The following LRRC8C variants were observed in gnomAD, a reference collection of about 807,000 sequenced individuals.
LRRC8C encodes volume-regulated anion channel subunit LRRC8C.
LRRC8C carries 20 observed loss-of-function variants against 55.3 expected under a neutral mutation model. The ratio of observed to expected loss-of-function variants is 0.36; its 90% CI spans 0.25 to 0.53. The LOEUF is 0.53. Ranked by LOEUF, LRRC8C falls within the 20% of genes least tolerant of loss-of-function variation. The pLI, the probability that LRRC8C is intolerant of heterozygous loss-of-function variation, is 0.92. For synonymous variants in LRRC8C, 376 were observed against 360.7 expected (o/e 1.04, Z -0.48); for missense variants, 659 against 951.4 (o/e 0.69, Z 4.04).
Position 89,714,147 on chromosome 1 carries a change from G to A in LRRC8C, c.1577G>A (p.Ser526Asn), listed in dbSNP as rs368179314. ...LEELYLVGSLSHDISRNVTLE... is the reference protein window; with the variant it reads ...LEELYLVGSLNHDISRNVTLE... The stretch of plus-strand genomic sequence containing the variant: ...GAGCTGTACCTAGTTGGCTCTCTAA[G>A]TCATGATATTTCCAGAAATGTCACC... The change falls in exon 3 of 3, where the codon AGT (serine) becomes AAT (asparagine). Residue 526 changes from serine (S) to asparagine (N), a missense_variant. Around this residue, in one of 5 missense-constraint regions of LRRC8C, gnomAD observed 344 missense variants for 464.6 expected, o/e 0.74. Transcript: ENST00000370454. This position sits in a 1 kb window ranked among gnomAD's most constrained non-coding sequence, Gnocchi z 4.6. 1.2e-6 allele frequency: 2 copies of A among 1,613,980 alleles called. No individual in the cohort carries two copies. Among genetic ancestry groups the A allele is most frequent in the African/African-American group, 1.3e-5 (1 of 74,900 alleles).
At chr1:89,631,721 G>A (rs1570680973), upstream of LRRC8C, 1 of 152,054 alleles carries the variant, frequency 6.6e-6, no homozygotes, top group African/African-American at 2.4e-5. Flanking sequence ...CTTGTTGTAG[G>A]TTAATTAAGA....
At chr1:89,705,796 T>C (rs1298999124) in intron 2 of LRRC8C, among the ~76,000 whole-genome samples, 1 of 151,906 alleles carries the variant, frequency 6.6e-6, no homozygotes, top group Non-Finnish European at 1.5e-5. Flanking sequence ...AATAAATAAA[T>C]GGTTTTTTTA....
the LRRC8C span, among the ~76,000 whole-genome samples, chr1:89,618,992 C>T: frequency 2.6e-5 from 4 of 152,112 alleles, no homozygotes; most frequent in East Asian, 1.9e-4. Flanking sequence ...CTTTAGAGTA[C>T]GAGGTCCTCC....
rs751893668 is a variant in LRRC8C, at chr1:89,713,195, A to G, written c.625A>G (p.Asn209Asp). Residue 209 changes from asparagine to aspartate, a missense_variant, in exon 3 of 3, where the codon AAC becomes GAC. Asn to Asp is a conservative substitution (Grantham distance 23). This residue lies in a region of LRRC8C where 200 missense variants were observed against 360.5 expected (regional missense o/e 0.55). Coordinates refer to ENST00000370454, the MANE Select transcript of LRRC8C (RefSeq NM_032270.5). This position sits in a 1 kb window ranked among gnomAD's most constrained non-coding sequence, Gnocchi z 5.2. ...ATCTGGTCCAGAAGACAGCCTGGTCAACTCTCAGTCTTTAAAGTCCATTCC... is the reference window on the plus strand; with the variant it reads ...ATCTGGTCCAGAAGACAGCCTGGTCGACTCTCAGTCTTTAAAGTCCATTCC... ...IQSGPEDSLV[N>D]SQSLKSIPEK... The G allele has an allele frequency of 6.2e-7, 1 of 1,614,204 alleles. No individual in the cohort carries two copies. Among genetic ancestry groups the G allele is most frequent in the Non-Finnish European group, 8.5e-7 (1 of 1,180,040 alleles).
chr1:89,713,634 G>A lies in LRRC8C; in HGVS notation c.1064G>A (p.Arg355His), dbSNP rs1234723917. The A allele has an allele frequency of 1.2e-5, 19 of 1,613,966 alleles. No individual in the cohort carries two copies. Among genetic ancestry groups the A allele is most frequent in the East Asian group, 4.5e-5 (2 of 44,888 alleles). Residue 355 changes from arginine (R) to histidine (H), a missense_variant, in exon 3 of 3, where the codon CGT (arginine) becomes CAT (histidine). By Grantham distance (29) the Arg-to-His change is conservative (BLOSUM62 0). Transcript: ENST00000370454. The surrounding 1 kb of genome is among the most constrained non-coding windows in gnomAD (Gnocchi z 5.2). ...CGGGAATATTCCTTTGAGTATGTCC[G>A]TCAGGAGACTGGAATTGATGATATT... The part of the protein sequence containing the change: ...SLREYSFEYV[R>H]QETGIDDIPD...
upstream of LRRC8C, chr1:89,631,712 T>C (rs1302190843): frequency 1.3e-5 from 2 of 152,108 alleles, no homozygotes; most frequent in African/African-American, 4.8e-5. Context: ...AATTTTTGTC[T>C]TGTTGTAGGT....
chr1:89,683,289 C>T (rs531413028), intron 1 of LRRC8C, among the ~76,000 whole-genome samples: 2 of 151,814 alleles, frequency 1.3e-5, no homozygotes, highest in Non-Finnish European at 2.9e-5. Context: ...CAAAATCATG[C>T]GTTACAAAAT....
At chr1:89,618,808 G>T in the LRRC8C span, among the ~76,000 whole-genome samples, 1 of 152,198 alleles carries the variant, frequency 6.6e-6, no homozygotes, top group South Asian at 2.1e-4. Flanking sequence ...CGAGACCTTA[G>T]TATTTTATCT....
chr1:89,663,444 C>T (rs1407262578), intron 1 of LRRC8C, among the ~76,000 whole-genome samples: 2 of 152,042 alleles, frequency 1.3e-5, no homozygotes, highest in South Asian at 2.1e-4. Flanking sequence ...GTGGCCAGCA[C>T]CTGTAGTCCT....
At chr1:89,680,862 A>G (rs1479236710) in intron 1 of LRRC8C, among the ~76,000 whole-genome samples, 1 of 152,060 alleles carries the variant, frequency 6.6e-6, no homozygotes, top group African/African-American at 2.4e-5. Context: ...CACCCAGCCT[A>G]CAATAAGTAT....
At chr1:89,645,180 T>C (rs1436103863) in intron 1 of LRRC8C, among the ~76,000 whole-genome samples, 5 of 152,060 alleles carry the variant, frequency 3.3e-5, no homozygotes, top group African/African-American at 9.7e-5. Context: ...ATGAGAACTC[T>C]CAGCAAAGAA....
chr1:89,625,645 C>T, the LRRC8C span, among the ~76,000 whole-genome samples: 1 of 152,090 alleles, frequency 6.6e-6, no homozygotes, highest in Non-Finnish European at 1.5e-5. Context: ...TACAAAGCAC[C>T]GTCTACAATA....
At chr1:89,628,639 T>C (rs1476681745), upstream of LRRC8C, among the ~76,000 whole-genome samples, 1 of 152,184 alleles carries the variant, frequency 6.6e-6, no homozygotes, top group African/African-American at 2.4e-5. Flanking sequence ...GCAAGGGGAA[T>C]GGGGAAATCC....
In LRRC8C at chr1:89,681,927, C is replaced by T. The variant is rs969564637; in HGVS notation, c.-4-4543C>T. Reference sequence around the variant, plus strand: ...ATGCGGCTGGGCACGCCTGTAATCCCAGCACTTTGGGAGGCCGAGGTGAGC... The same window carrying T: ...ATGCGGCTGGGCACGCCTGTAATCCTAGCACTTTGGGAGGCCGAGGTGAGC... On this transcript the variant is annotated intron_variant, in intron 1 of 2. Coordinates refer to ENST00000370454, the MANE Select transcript of LRRC8C (RefSeq NM_032270.5). Among the ~76,000 whole-genome samples the T allele has an allele frequency of 3.3e-5, 5 of 152,182 alleles. No individual in the cohort carries two copies. In the South Asian group the frequency reaches 8.3e-4, roughly 25 times the overall value.
rs778988262 is a variant in LRRC8C, at chr1:89,635,733, A to G, written c.-5+2411A>G. On this transcript the variant is annotated intron_variant, in intron 1 of 2. Coordinates refer to ENST00000370454, the MANE Select transcript of LRRC8C (RefSeq NM_032270.5). ...TTTTGAATCAAGGCCATCTGTTTCT[A>G]AAACCCATGTTCTTGCCACTGATTT... Among the ~76,000 whole-genome samples, 27 of 152,346 alleles carry G rather than the reference A, an allele frequency of 1.8e-4. No individual in the cohort carries two copies. The Middle Eastern group carries it at 0.01, about 58-fold the overall frequency.
At chr1:89,659,006 T>C (rs372118886) in intron 1 of LRRC8C, among the ~76,000 whole-genome samples, 7 of 151,734 alleles carry the variant, frequency 4.6e-5, no homozygotes, top group African/African-American at 1.7e-4. Flanking sequence ...TCTGATATTA[T>C]AATGAGAGTT....
chr1:89,707,124 A>G (rs564980603), intron 2 of LRRC8C, among the ~76,000 whole-genome samples: 87 of 152,212 alleles, frequency 5.7e-4, no homozygotes, highest in African/African-American at 1.8e-3. Context: ...TCCAGAGGAT[A>G]GGCCAGGCGC....
chr1:89,675,191 A>G (rs1019136177), intron 1 of LRRC8C, among the ~76,000 whole-genome samples: 3 of 151,988 alleles, frequency 2.0e-5, no homozygotes, highest in Non-Finnish European at 2.9e-5. Context: ...ACTCAAAAAA[A>G]CAAAAAAACA....
chr1:89,658,829 T>G (rs1432338489), intron 1 of LRRC8C, among the ~76,000 whole-genome samples: 2 of 151,908 alleles, frequency 1.3e-5, no homozygotes, highest in East Asian at 3.9e-4. Flanking sequence ...TTCCACTGTT[T>G]AAATTCTTTA....
Sources: gnomAD v4.1 joint callset for allele counts (sites outside exome capture counted in the v4.1 genomes callset) on GRCh38, gnomAD v4.1.1 for gene constraint, gnomAD v4.1.1 regional missense constraint, Gnocchi (gnomAD v3.1) non-coding constraint, MANE v1.5 for transcripts, NCBI Gene and HGNC (gene_info 2026-07-23, HGNC 2026-07-21) for gene names.